The following PCDH7 variants were observed in gnomAD, a reference collection of about 807,000 sequenced individuals.
PCDH7 encodes the protein protocadherin 7.
PCDH7 carries 17 observed loss-of-function variants against 58.9 expected under a neutral mutation model. The observed-to-expected ratio is 0.29, with a 90% confidence interval of 0.20 to 0.43. The LOEUF (loss-of-function observed/expected upper bound fraction) is 0.43. Ranked by LOEUF, PCDH7 falls within the 20% of genes least tolerant of loss-of-function variation. The pLI, the probability that PCDH7 is intolerant of heterozygous loss-of-function variation, is 1.00. For missense variants in PCDH7, 1,274 were observed against 1,441.0 expected, an observed-to-expected ratio of 0.88 and a Z score of 1.88; for synonymous variants, 664 against 616.4, an observed-to-expected ratio of 1.08 and a Z score of -1.14.
chr4:30,914,679 T>C (rs897203852), intron 1 of PCDH7, among the ~76,000 whole-genome samples: 1 of 152,194 alleles, frequency 6.6e-6, no homozygotes, highest in East Asian at 1.9e-4. Context: ...ATAACTCTAG[T>C]TATATAGCTG....
chr4:30,953,241 C>T (rs1369708098), intron 3 of PCDH7, among the ~76,000 whole-genome samples: 1 of 152,070 alleles, frequency 6.6e-6, no homozygotes, highest in Non-Finnish European at 1.5e-5. Context: ...ATCCAATTAT[C>T]CCAGTTTTCC....
chr4:31,024,463 C>T (rs781206815), intron 3 of PCDH7, among the ~76,000 whole-genome samples: 30 of 151,910 alleles, frequency 2.0e-4, no homozygotes, highest in Admixed American at 4.6e-4. Context: ...TTTCTATTTA[C>T]GAAATACAGA....
intron 3 of PCDH7, among the ~76,000 whole-genome samples, chr4:31,107,765 G>C (rs1462096656): frequency 2.0e-5 from 3 of 152,060 alleles, no homozygotes; most frequent in Non-Finnish European, 4.4e-5. Context: ...TATAGTCTTT[G>C]AAGTCAGTCA....
intron 3 of PCDH7, among the ~76,000 whole-genome samples, chr4:31,103,615 G>A (rs1715180292): frequency 6.6e-6 from 1 of 152,152 alleles, no homozygotes; most frequent in Non-Finnish European, 1.5e-5. Flanking sequence ...GGGATTACAA[G>A]CATGAGCCTC....
At chr4:31,117,845 TTC>T (rs1420001739) in intron 3 of PCDH7, among the ~76,000 whole-genome samples, 1 of 152,154 alleles carries the variant, frequency 6.6e-6, no homozygotes, top group Non-Finnish European at 1.5e-5. Flanking sequence ...TGTTAAGGAA[TTC>T]TGTCATGAAG....
chr4:31,026,973 A>C (rs1754486877), intron 3 of PCDH7, among the ~76,000 whole-genome samples: 1 of 152,178 alleles, frequency 6.6e-6, no homozygotes, highest in Non-Finnish European at 1.5e-5. Flanking sequence ...TTTAAGTAAA[A>C]ATGGGAGTAA....
chr4:31,098,792 A>G (rs1414729794), intron 3 of PCDH7, among the ~76,000 whole-genome samples: 2 of 152,200 alleles, frequency 1.3e-5, no homozygotes, highest in African/African-American at 4.8e-5. Context: ...GGCTGCCATA[A>G]CACAATACCA....
At chr4:30,938,115 A>C (rs1254713443) in intron 2 of PCDH7, among the ~76,000 whole-genome samples, 1 of 152,098 alleles carries the variant, frequency 6.6e-6, no homozygotes, top group Non-Finnish European at 1.5e-5. Flanking sequence ...AAAAAATGTA[A>C]TATAGCTACA....
At chr4:30,744,645 G>A (rs1717535525) in intron 1 of PCDH7, among the ~76,000 whole-genome samples, 1 of 152,298 alleles carries the variant, frequency 6.6e-6, no homozygotes, top group Admixed American at 6.5e-5. Flanking sequence ...ATGACACTTG[G>A]CACTTGGCTC....
chr4:31,097,616 ATATATATATATATATAT>A lies in PCDH7; in HGVS notation c.*8-44856_*8-44840del, dbSNP rs1299268831. Among the ~76,000 whole-genome samples, 24 of 36,860 alleles carry A rather than the reference ATATATATATATATATAT, an allele frequency of 6.5e-4. No individual in the cohort carries two copies. In the East Asian group the frequency reaches 0.016, roughly 24 times the overall value. 24.2% of individuals were successfully genotyped at this position (36,860 alleles called of 152,430 possible). A position where few individuals can be genotyped will look rare whatever the true frequency, so the allele number is the denominator to read the frequency against. On this transcript the variant is annotated intron_variant, in intron 3 of 3. Coordinates refer to the PCDH7 transcript ENST00000509759. ...TATATATATATATATATATATATAT[ATATATATATATATATAT>A]ATATAAATCTTTTTTCTGTAATTTC...
intron 1 of PCDH7, among the ~76,000 whole-genome samples, chr4:30,749,335 G>A (rs6448722): frequency 0.87 from 132,811 of 152,214 alleles, 58,365 homozygotes; most frequent in African/African-American, 0.96. Context: ...AAGTCCGATA[G>A]CAGTCTGTGT....
intron 1 of PCDH7, among the ~76,000 whole-genome samples, chr4:30,745,110 A>G (rs916987860): frequency 2.6e-5 from 4 of 152,216 alleles, no homozygotes; most frequent in Non-Finnish European, 5.9e-5. Flanking sequence ...AAGAAGATAT[A>G]TAGACACTTT....
intron 3 of PCDH7, among the ~76,000 whole-genome samples, chr4:31,026,586 G>A (rs923200240): frequency 6.6e-5 from 10 of 152,324 alleles, no homozygotes; most frequent in African/African-American, 1.9e-4. Context: ...GAGCAAATAT[G>A]TATTAGCATA....
intron 2 of PCDH7, among the ~76,000 whole-genome samples, chr4:30,933,523 C>A (rs866418565): frequency 6.6e-6 from 1 of 152,122 alleles, no homozygotes; most frequent in Non-Finnish European, 1.5e-5. Context: ...TTAGGGTCAT[C>A]TATTAAGGAT....
intron 1 of PCDH7, among the ~76,000 whole-genome samples, chr4:30,821,040 G>A (rs1258039006): frequency 6.6e-6 from 1 of 152,134 alleles, no homozygotes; most frequent in Non-Finnish European, 1.5e-5. Context: ...AGCACTTAAT[G>A]TCAGTCGCTT....
chr4:31,014,694 A>C lies in PCDH7; in HGVS notation c.*7+64479A>C, dbSNP rs528745724. ...TGTAGAGAAAGCTATAAAACTTGAG[A>C]TATGTAATGTATTCTATAAAATTAA... is the stretch of plus-strand genomic sequence containing the variant. On this transcript the variant is annotated intron_variant, in intron 3 of 3. Coordinates refer to the PCDH7 transcript ENST00000509759. 2.6e-5 allele frequency among the ~76,000 whole-genome samples: 4 copies of C among 152,312 alleles called. No homozygotes were observed. In the East Asian group the frequency reaches 7.7e-4, roughly 29 times the overall value.
At chr4:31,040,346 A>G (rs1270835099) in intron 3 of PCDH7, among the ~76,000 whole-genome samples, 1 of 152,154 alleles carries the variant, frequency 6.6e-6, no homozygotes, top group Non-Finnish European at 1.5e-5. Flanking sequence ...CTTGAACTTC[A>G]TATACATGGA....
intron 3 of PCDH7, among the ~76,000 whole-genome samples, chr4:31,069,565 G>T (rs1758369700): frequency 6.6e-6 from 1 of 151,914 alleles, no homozygotes; most frequent in African/African-American, 2.4e-5. Flanking sequence ...CCTCCAAAAT[G>T]ATACTTTAAT....
chr4:30,918,466 A>G (rs1450791747), intron 1 of PCDH7, among the ~76,000 whole-genome samples: 1 of 152,092 alleles, frequency 6.6e-6, no homozygotes, highest in Admixed American at 6.6e-5. Flanking sequence ...AATACAGGGT[A>G]AAATATCACA....
Sources: allele counts gnomAD v4.1 joint callset (sites outside exome capture counted in the v4.1 genomes callset), GRCh38; gene constraint gnomAD v4.1.1; transcripts MANE v1.5; gene names NCBI Gene and HGNC (gene_info 2026-07-23, HGNC 2026-07-21).